Variants in LHPP observed in about 807,000 individuals in gnomAD.
The protein encoded by LHPP is hLHPP.
LHPP carries 24 observed loss-of-function variants against 30.3 expected under a neutral mutation model. That is an observed-to-expected ratio of 0.79 (90% CI 0.57 to 1.11). LHPP has a LOEUF of 1.11. Ranked by LOEUF, LHPP falls within the 50% of genes most tolerant of loss-of-function variation. The pLI, the probability that LHPP is intolerant of heterozygous loss-of-function variation, is 0.00. For synonymous variants in LHPP, 150 were observed against 157.1 expected (o/e 0.95, Z 0.34); for missense variants, 356 against 367.2 (o/e 0.97, Z 0.25).
chr10:124,548,217 G>A (rs541679685), intron 6 of LHPP, among the ~76,000 whole-genome samples: 4 of 147,500 alleles, frequency 2.7e-5, no homozygotes, highest in Non-Finnish European at 4.6e-5. Flanking sequence ...AGCCATTTCC[G>A]TGATGGTAAA....
At chr10:124,580,403 C>T (rs1354555355) in intron 6 of LHPP, among the ~76,000 whole-genome samples, 1 of 152,168 alleles carries the variant, frequency 6.6e-6, no homozygotes, top group Non-Finnish European at 1.5e-5. Flanking sequence ...TTGCTTTGCA[C>T]ATTCAGGTTC....
At chr10:124,549,341 G>A (rs1398107648) in intron 6 of LHPP, among the ~76,000 whole-genome samples, 2 of 152,016 alleles carry the variant, frequency 1.3e-5, no homozygotes, top group Non-Finnish European at 2.9e-5. Context: ...GCTGAGGCAG[G>A]AGGATCACTT....
At chr10:124,535,516 C>T (rs1955001207) in intron 6 of LHPP, among the ~76,000 whole-genome samples, 1 of 152,124 alleles carries the variant, frequency 6.6e-6, no homozygotes, top group South Asian at 2.1e-4. Context: ...GCATCTCAGC[C>T]TCCCAAGTAG....
intron 6 of LHPP, among the ~76,000 whole-genome samples, chr10:124,556,912 C>T (rs983807802): frequency 1.3e-5 from 2 of 152,094 alleles, no homozygotes; most frequent in Non-Finnish European, 2.9e-5. Flanking sequence ...AAAGATGGAG[C>T]GCAGAGTCTG....
chr10:124,497,954 A>G, intron 4 of LHPP, 82 bp from the exon 5 acceptor site: 1 of 1,133,918 alleles, frequency 8.8e-7, no homozygotes, highest in Non-Finnish European at 1.3e-6. Flanking sequence ...TTGGGGGCAC[A>G]TTTGGGACAG....
chr10:124,509,280 A>G (rs564351979), intron 5 of LHPP, among the ~76,000 whole-genome samples: 1 of 152,206 alleles, frequency 6.6e-6, no homozygotes, highest in Non-Finnish European at 1.5e-5. Context: ...GCTGCATACT[A>G]TTCCACTGTT....
chr10:124,608,960 C>T (rs532405743), intron 6 of LHPP, among the ~76,000 whole-genome samples: 3 of 152,304 alleles, frequency 2.0e-5, no homozygotes, highest in African/African-American at 4.8e-5. Flanking sequence ...CCAGAGCAGC[C>T]GCATCTCTGC....
chr10:124,486,709 G>A (rs1953338005), intron 2 of LHPP, among the ~76,000 whole-genome samples: 2 of 152,364 alleles, frequency 1.3e-5, no homozygotes, highest in African/African-American at 2.4e-5. Context: ...TGACTTTAGC[G>A]ACTCAGTCTC....
chr10:124,497,447 G>A (rs149129618), intron 4 of LHPP, among the ~76,000 whole-genome samples: 138 of 152,024 alleles, frequency 9.1e-4, no homozygotes, highest in Admixed American at 2.6e-3. Context: ...CAAGCTTGAC[G>A]GGTCCTCACT....
chr10:124,492,064 A>G (rs1953549681), intron 3 of LHPP, among the ~76,000 whole-genome samples: 1 of 152,206 alleles, frequency 6.6e-6, no homozygotes, highest in African/African-American at 2.4e-5. Context: ...TCCTGCACAC[A>G]CAGCAGCCAT....
chr10:124,543,442 G>A (rs888724974), intron 6 of LHPP, among the ~76,000 whole-genome samples: 4 of 152,262 alleles, frequency 2.6e-5, no homozygotes, highest in Admixed American at 6.5e-5. Context: ...GACTGGGAAC[G>A]GCAGAGGTGC....
chr10:124,497,988 C>A (rs751426295), intron 4 of LHPP, 48 bp from the exon 5 acceptor site: 6 of 1,462,910 alleles, frequency 4.1e-6, no homozygotes, highest in Non-Finnish European at 5.8e-6. Flanking sequence ...GGGCATACAC[C>A]TGTTCCTTGA....
At chr10:124,569,639 C>T (rs1300313799) in intron 6 of LHPP, among the ~76,000 whole-genome samples, 1 of 152,212 alleles carries the variant, frequency 6.6e-6, no homozygotes, top group East Asian at 1.9e-4. Context: ...GGCCCTGAAC[C>T]AGGGCTGGGG....
At position 124,478,606 on chromosome 10, in the gene LHPP, G is replaced by A. The variant is rs1953026591; in HGVS notation, c.126-5533G>A. On this transcript the variant is annotated intron_variant, in intron 1 of 6. Transcript: ENST00000368842. This position sits in a 1 kb window ranked among gnomAD's most constrained non-coding sequence, Gnocchi z 4.7. ...GGGTTTTCATTATTTGCGGGTGAGCGCTCCTGGCAGATGCCAACAGCCAGC... is the reference window on the plus strand; with the variant it reads ...GGGTTTTCATTATTTGCGGGTGAGCACTCCTGGCAGATGCCAACAGCCAGC... Among the ~76,000 whole-genome samples, 3 of 152,224 alleles carry A rather than the reference G, an allele frequency of 2.0e-5. No individual in the cohort carries two copies. Among genetic ancestry groups the A allele is most frequent in the Non-Finnish European group, 1.5e-5 (1 of 68,042 alleles).
At chr10:124,546,547 T>C (rs561294962) in intron 6 of LHPP, among the ~76,000 whole-genome samples, 56 of 152,218 alleles carry the variant, frequency 3.7e-4, no homozygotes, top group South Asian at 1.2e-3. Context: ...GGACTACAGG[T>C]GCCTGCCACC....
chr10:124,553,958 G>T, intron 6 of LHPP: 1 of 985,418 alleles, frequency 1.0e-6, no homozygotes. Context: ...TGTTGTCCTT[G>T]CGGCACCATG....
intron 5 of LHPP, 29 bp downstream of exon 5, chr10:124,498,157 G>A (rs1258104262): frequency 2.9e-6 from 4 of 1,384,444 alleles, no homozygotes; most frequent in Non-Finnish European, 4.0e-6. Context: ...AAGTGGGTCA[G>A]GGGAGGCAGC....
chr10:124,557,252 G>A (rs1201573670), intron 6 of LHPP, among the ~76,000 whole-genome samples: 1 of 152,240 alleles, frequency 6.6e-6, no homozygotes, highest in Non-Finnish European at 1.5e-5. Flanking sequence ...CGGCTGTGGT[G>A]TGGATAGTTC....
At chr10:124,582,194 C>A (rs1453769085) in intron 6 of LHPP, among the ~76,000 whole-genome samples, 2 of 152,162 alleles carry the variant, frequency 1.3e-5, no homozygotes, top group Non-Finnish European at 2.9e-5. Context: ...CATCCTTCTG[C>A]CTCAGTCTCT....
Sources: allele counts gnomAD v4.1 joint callset (sites outside exome capture counted in the v4.1 genomes callset), GRCh38; gene constraint gnomAD v4.1.1; non-coding constraint Gnocchi (gnomAD v3.1); transcripts MANE v1.5; gene names NCBI Gene and HGNC (gene_info 2026-07-23, HGNC 2026-07-21).